CLIP1: variants seen among roughly 807,000 people sequenced by gnomAD.
The protein encoded by CLIP1 is CAP-Gly domain containing linker protein 1, also known as CAP-Gly domain-containing linker protein 1.
In CLIP1, 66 loss-of-function variants were observed where a neutral mutation model predicts 161.6. That is an observed-to-expected ratio of 0.41 (90% CI 0.33 to 0.50). The LOEUF is 0.50. Ranked by LOEUF, CLIP1 falls within the 20% of genes least tolerant of loss-of-function variation. The probability of loss-of-function intolerance (pLI) is 0.27; values close to 1 mark genes in which losing one functional copy is unlikely to be tolerated. For synonymous variants in CLIP1, 598 were observed against 626.2 expected (o/e 0.96, Z 0.67); for missense variants, 1,376 against 1,702.0 (o/e 0.81, Z 3.37).
Position 122,355,630 on chromosome 12 carries a change from C to A in CLIP1, c.1006-318G>T. Reference sequence around the variant, plus strand: ...TTGAGACCTGGCCAAGATGATGAGACCCCATCTCTACTAAAAATACAAAAA... The same window carrying A: ...TTGAGACCTGGCCAAGATGATGAGAACCCATCTCTACTAAAAATACAAAAA... On this transcript the variant is annotated intron_variant, in intron 5 of 25. Transcript: ENST00000620786. The surrounding 1 kb of genome is among the most constrained non-coding windows in gnomAD (Gnocchi z 4.1). The A allele has an allele frequency of 3.8e-6, 1 of 266,098 alleles. No individual in the cohort carries two copies. The highest frequency in any genetic ancestry group is 7.2e-6 in the Non-Finnish European group (1 of 138,936). 16.5% of individuals were successfully genotyped at this position (266,098 alleles called of 1,614,324 possible).
chr12:122,286,952 C>A (rs978391759), intron 21 of CLIP1, among the ~76,000 whole-genome samples: 12 of 152,126 alleles, frequency 7.9e-5, no homozygotes, highest in Non-Finnish European at 1.3e-4. Context: ...GAGCCGAGAT[C>A]GCACCACTGC....
chr12:122,341,931 G>C (rs1463005073), intron 10 of CLIP1: 1 of 297,976 alleles, frequency 3.4e-6, no homozygotes, highest in Non-Finnish European at 6.2e-6. Context: ...TTACAGGCAT[G>C]CGCCACCACA....
chr12:122,394,597 A>T (rs563000943), intron 1 of CLIP1, among the ~76,000 whole-genome samples: 1 of 152,036 alleles, frequency 6.6e-6, no homozygotes, highest in East Asian at 1.9e-4. Context: ...TTAAAGGGAC[A>T]ATCCTTTAGG....
intron 1 of CLIP1, among the ~76,000 whole-genome samples, chr12:122,397,322 AG>A (rs35947842): frequency 0.49 from 73,817 of 151,258 alleles, 21,764 homozygotes; most frequent in Non-Finnish European, 0.64. Context: ...GGAAGAGTTC[AG>A]GCGTGTGGCT....
At chr12:122,388,084 A>C (rs980872901) in intron 1 of CLIP1, among the ~76,000 whole-genome samples, 1 of 152,186 alleles carries the variant, frequency 6.6e-6, no homozygotes, top group Admixed American at 6.6e-5. Flanking sequence ...TAAAACATGC[A>C]TTTCTATAAA....
rs553938462 is a variant in CLIP1, at chr12:122,298,122, C to T, written c.3595-9581G>A. 2.0e-5 allele frequency among the ~76,000 whole-genome samples: 3 copies of T among 152,280 alleles called. 1 individual carries two copies. Among genetic ancestry groups the T allele is most frequent in the African/African-American group, 7.2e-5 (3 of 41,566 alleles). ...CCTGTTTCTTTCTCCTCCTTTCCAT[C>T]GGAGCTGCCCCGAGAGCATACTTCG... On this transcript the variant is annotated intron_variant, in intron 20 of 25. Coordinates refer to ENST00000620786, the MANE Select transcript of CLIP1 (RefSeq NM_001247997.2).
In CLIP1 at chr12:122,272,795, G is replaced by C; in HGVS notation, c.*80C>G. 8 of 1,208,002 alleles carry C rather than the reference G, an allele frequency of 6.6e-6. No individual in the cohort carries two copies. Among genetic ancestry groups the C allele is most frequent in the Non-Finnish European group, 9.8e-6 (8 of 815,650 alleles). 74.8% of individuals were successfully genotyped at this position (1,208,002 alleles called of 1,614,324 possible). A position where few individuals can be genotyped will look rare whatever the true frequency, so the allele number is the denominator to read the frequency against. On this transcript the variant is annotated 3_prime_UTR_variant, in exon 26 of 26. Coordinates refer to ENST00000620786, the MANE Select transcript of CLIP1 (RefSeq NM_001247997.2). ...AAAAAATAACATGAGTTCTCCTGAAGTCTGCACACACAATGCTGGTGTTAC... is the reference window on the plus strand; with the variant it reads ...AAAAAATAACATGAGTTCTCCTGAACTCTGCACACACAATGCTGGTGTTAC...
Position 122,349,886 on chromosome 12 carries a change from GTTTTTTTGT to G in CLIP1, c.1401+1216_1401+1224del, listed in dbSNP as rs371416140. Reference sequence around the variant, plus strand: ...GACCTTTTAAAAAATTCAGTCTTGTGTTTTTTTGTTTTTTTTGTTTTTTTTGTTTTTTTT... The same window carrying G: ...GACCTTTTAAAAAATTCAGTCTTGTGTTTTTTTGTTTTTTTTGTTTTTTTT... On this transcript the variant is annotated intron_variant, in intron 9 of 25. Coordinates refer to ENST00000620786, the MANE Select transcript of CLIP1 (RefSeq NM_001247997.2). 5.2e-3 allele frequency among the ~76,000 whole-genome samples: 611 copies of G among 118,530 alleles called. 6 individuals are homozygous for G. The highest frequency in any genetic ancestry group is 0.015 in the African/African-American group (488 of 32,546). 77.8% of individuals were successfully genotyped at this position (118,530 alleles called of 152,430 possible).
chr12:122,278,795 A>G lies in CLIP1; in HGVS notation c.3913T>C (p.Ser1305Pro). The G allele has an allele frequency of 1.9e-6, 3 of 1,595,680 alleles. No individual in the cohort carries two copies. The highest frequency in any genetic ancestry group is 2.6e-6 in the Non-Finnish European group (3 of 1,172,046). The change falls in exon 23 of 26, where the codon TCA (serine) becomes CCA (proline). Residue 1305 changes from serine to proline, a missense_variant. Ser to Pro is a moderately conservative substitution (Grantham distance 74). Transcript: ENST00000620786. ...GCACTGGGCAGGCGCCCTTTACCTG[A>G]GGAGCTGCTGAGCTGCCTCTTGTTT... ...KENKRQLSSS[S>P]GNTDTQADED...
chr12:122,304,043 C>G (rs760316514), intron 20 of CLIP1, among the ~76,000 whole-genome samples: 36 of 152,224 alleles, frequency 2.4e-4, no homozygotes, highest in Non-Finnish European at 4.3e-4. Context: ...GAAAAATACC[C>G]ACAGTGCCCT....
intron 15 of CLIP1, among the ~76,000 whole-genome samples, chr12:122,331,501 G>A (rs1951966699): frequency 1.3e-5 from 2 of 151,578 alleles, no homozygotes; most frequent in Non-Finnish European, 2.9e-5. Context: ...TTTTAGTAGC[G>A]ATAGGGTTTC....
intron 20 of CLIP1, among the ~76,000 whole-genome samples, chr12:122,293,795 T>TG (rs1246278735): frequency 1.1e-4 from 12 of 107,846 alleles, no homozygotes; most frequent in Admixed American, 9.8e-4. Flanking sequence ...TTGTTTTTTT[T>TG]TTTGTTTTTT....
At chr12:122,409,238 G>A (rs369892493) in intron 1 of CLIP1, among the ~76,000 whole-genome samples, 13 of 151,682 alleles carry the variant, frequency 8.6e-5, no homozygotes, top group East Asian at 3.9e-4. Flanking sequence ...CGATTCTTCC[G>A]CCTCAGCCTC....
intron 17 of CLIP1, among the ~76,000 whole-genome samples, chr12:122,325,288 C>T (rs1218220127): frequency 1.3e-5 from 2 of 151,934 alleles, no homozygotes. Context: ...AAACTCCTGA[C>T]CCCAAGTGAT....
chr12:122,278,371 G>C, intron 23 of CLIP1, 168 bp from the exon 24 acceptor site: 1 of 671,086 alleles, frequency 1.5e-6, no homozygotes, highest in Non-Finnish European at 2.6e-6. Flanking sequence ...GTCCCCTTGC[G>C]GGACCCTACA....
intron 1 of CLIP1, among the ~76,000 whole-genome samples, chr12:122,386,674 G>C (rs1413859771): frequency 6.6e-6 from 1 of 152,084 alleles, no homozygotes; most frequent in Non-Finnish European, 1.5e-5. Flanking sequence ...TGTGATTCAA[G>C]AATCTAATCT....
intron 20 of CLIP1, among the ~76,000 whole-genome samples, chr12:122,292,477 T>C (rs969017024): frequency 6.6e-6 from 1 of 152,188 alleles, no homozygotes; most frequent in Admixed American, 6.5e-5. Context: ...CTTTGAGCGC[T>C]TCCTTGCTTT....
At chr12:122,411,423 A>G (rs1956528870) in intron 1 of CLIP1, among the ~76,000 whole-genome samples, 1 of 152,230 alleles carries the variant, frequency 6.6e-6, no homozygotes, top group Non-Finnish European at 1.5e-5. Flanking sequence ...TCTCAAAAAC[A>G]AAAACAAAAA....
intron 2 of CLIP1, among the ~76,000 whole-genome samples, chr12:122,378,591 C>T (rs191355707): frequency 1.3e-5 from 2 of 152,250 alleles, no homozygotes; most frequent in Admixed American, 6.5e-5. Flanking sequence ...CATAATTGGT[C>T]TGATTTCATT....
Sources: allele counts gnomAD v4.1 joint callset (sites outside exome capture counted in the v4.1 genomes callset), GRCh38; gene constraint gnomAD v4.1.1; non-coding constraint Gnocchi (gnomAD v3.1); transcripts MANE v1.5; gene names NCBI Gene and HGNC (gene_info 2026-07-23, HGNC 2026-07-21).